The following RNF182 variants were observed in gnomAD, a reference collection of about 807,000 sequenced individuals.
RNF182 encodes the protein ring finger protein 182, also known as E3 ubiquitin-protein ligase RNF182.
A neutral mutation model predicts 14.4 loss-of-function variants in RNF182; 15 were observed. The ratio of observed to expected loss-of-function variants is 1.04; its 90% CI spans 0.70 to 1.60. The LOEUF (loss-of-function observed/expected upper bound fraction) is 1.60, where lower values mean the gene tolerates loss of function less well. Ranked by LOEUF, RNF182 falls within the 40% of genes most tolerant of loss-of-function variation. The probability of loss-of-function intolerance (pLI) is 0.00; values close to 1 mark genes in which losing one functional copy is unlikely to be tolerated. For synonymous variants in RNF182, 128 were observed against 122.9 expected (o/e 1.04, Z -0.27); for missense variants, 268 against 294.8 (o/e 0.91, Z 0.67).
intron 1 of RNF182, among the ~76,000 whole-genome samples, chr6:13,950,302 A>G (rs937393419): frequency 2.6e-5 from 4 of 152,138 alleles, no homozygotes; most frequent in East Asian, 1.9e-4. Flanking sequence ...GGCTAATTCC[A>G]TACATCTCAA....
At chr6:13,931,551 C>G (rs536342875) in intron 1 of RNF182, among the ~76,000 whole-genome samples, 1 of 152,070 alleles carries the variant, frequency 6.6e-6, no homozygotes, top group South Asian at 2.1e-4. Context: ...TTGATAACTC[C>G]TGGGGGGGAA....
chr6:13,941,732 C>A (rs974120793), intron 1 of RNF182, among the ~76,000 whole-genome samples: 11 of 151,998 alleles, frequency 7.2e-5, no homozygotes, highest in Admixed American at 3.3e-4. Context: ...ATTATAACAT[C>A]TATTTTTCAC....
At chr6:13,970,965 C>T (rs186430119) in intron 1 of RNF182, among the ~76,000 whole-genome samples, 1 of 152,038 alleles carries the variant, frequency 6.6e-6, no homozygotes, top group African/African-American at 2.4e-5. Context: ...TGAAAGATAA[C>T]ACTAGTACAG....
chr6:13,937,981 A>G (rs1759178983), intron 1 of RNF182, among the ~76,000 whole-genome samples: 1 of 151,122 alleles, frequency 6.6e-6, no homozygotes, highest in African/African-American at 2.4e-5. Context: ...TTGTCCATTA[A>G]AAAAGATTAT....
intron 1 of RNF182, among the ~76,000 whole-genome samples, chr6:13,972,369 A>T (rs1420224020): frequency 6.6e-6 from 1 of 152,156 alleles, no homozygotes; most frequent in Admixed American, 6.5e-5. Context: ...ATGCAATAGA[A>T]AAGAAAAACC....
At chr6:13,942,374 C>T (rs374665734) in intron 1 of RNF182, among the ~76,000 whole-genome samples, 1 of 152,072 alleles carries the variant, frequency 6.6e-6, no homozygotes, top group South Asian at 2.1e-4. Flanking sequence ...CAAAATCTTG[C>T]TCTGTGGCCC....
At chr6:13,956,998 A>G (rs750835133) in intron 1 of RNF182, among the ~76,000 whole-genome samples, 3 of 152,044 alleles carry the variant, frequency 2.0e-5, no homozygotes, top group African/African-American at 4.8e-5. Context: ...CCACTGTGTG[A>G]CCGAATGGAA....
intron 1 of RNF182, among the ~76,000 whole-genome samples, chr6:13,973,159 T>C (rs958049445): frequency 5.9e-5 from 9 of 152,350 alleles, no homozygotes; most frequent in African/African-American, 2.2e-4. Context: ...GCATGGGGCC[T>C]GTAGCCCCTT....
intron 1 of RNF182, among the ~76,000 whole-genome samples, chr6:13,971,352 CT>C (rs1760173857): frequency 6.6e-6 from 1 of 152,134 alleles, no homozygotes; most frequent in Admixed American, 6.6e-5. Context: ...GCCTTTGCTC[CT>C]TTTTCGCCTT....
At chr6:13,945,898 G>C (rs774150999) in intron 1 of RNF182, among the ~76,000 whole-genome samples, 1 of 152,088 alleles carries the variant, frequency 6.6e-6, no homozygotes, top group Non-Finnish European at 1.5e-5. Context: ...AGTCCACAGA[G>C]TAAAGTGAAA....
rs1262769451 is a variant in RNF182, at chr6:13,977,373, A to G, written c.254A>G (p.Asn85Ser). 1.2e-6 allele frequency: 2 copies of G among 1,614,086 alleles called. No individual in the cohort carries two copies. The highest frequency in any genetic ancestry group is 8.5e-7 in the Non-Finnish European group (1 of 1,180,030). Residue 85 changes from asparagine to serine, a missense_variant, in exon 3 of 3, where the codon AAC becomes AGC. Coordinates refer to ENST00000488300, the MANE Select transcript of RNF182 (RefSeq NM_152737.4). ...DDEVSSLPDD[N>S]NILVNLTCGG... ...GAAGTTAGTAGCCTGCCCGATGACA[A>G]CAACATCCTTGTAAACTTGACTTGT...
chr6:13,948,887 CAAAA>C (rs917387000), intron 1 of RNF182, among the ~76,000 whole-genome samples: 1 of 151,356 alleles, frequency 6.6e-6, no homozygotes, highest in Admixed American at 6.6e-5. Context: ...AAAAGACAAA[CAAAA>C]ATCTTTTATC....
intron 1 of RNF182, among the ~76,000 whole-genome samples, chr6:13,939,075 C>A (rs1248920136): frequency 6.6e-6 from 1 of 152,140 alleles, no homozygotes; most frequent in African/African-American, 2.4e-5. Flanking sequence ...AAGAGCAAGA[C>A]CCTGTCTCAA....
intron 1 of RNF182, among the ~76,000 whole-genome samples, chr6:13,936,291 CT>C (rs1275878682): frequency 6.6e-6 from 1 of 152,212 alleles, no homozygotes; most frequent in East Asian, 1.9e-4. Flanking sequence ...AATGTTTTCC[CT>C]TTCCCTATCT....
chr6:13,930,734 A>G (rs566979297), intron 1 of RNF182, among the ~76,000 whole-genome samples: 14 of 152,206 alleles, frequency 9.2e-5, no homozygotes, highest in East Asian at 3.8e-4. Context: ...AATAACTACC[A>G]TTTATTAAGC....
intron 1 of RNF182, among the ~76,000 whole-genome samples, chr6:13,930,554 T>C (rs1241356081): frequency 6.6e-6 from 1 of 152,224 alleles, no homozygotes; most frequent in Admixed American, 6.5e-5. Context: ...TGCATGTCCC[T>C]CCTCTGAAAT....
intron 1 of RNF182, among the ~76,000 whole-genome samples, chr6:13,954,852 T>G (rs1759687752): frequency 6.6e-6 from 1 of 152,152 alleles, no homozygotes. Context: ...AACCTGAGGT[T>G]TGATCATATT....
chr6:13,958,854 A>T (rs1334435136), intron 1 of RNF182, among the ~76,000 whole-genome samples: 1 of 152,140 alleles, frequency 6.6e-6, no homozygotes, highest in African/African-American at 2.4e-5. Flanking sequence ...TTACTTCTAG[A>T]CCTCATGTTG....
chr6:13,971,551 G>C (rs1209319152), intron 1 of RNF182, among the ~76,000 whole-genome samples: 1 of 152,192 alleles, frequency 6.6e-6, no homozygotes, highest in African/African-American at 2.4e-5. Flanking sequence ...CTTTGGAACT[G>C]GGTAACAGAC....
Sources: allele counts gnomAD v4.1 joint callset (sites outside exome capture counted in the v4.1 genomes callset), GRCh38; gene constraint gnomAD v4.1.1; transcripts MANE v1.5; gene names NCBI Gene and HGNC (gene_info 2026-07-23, HGNC 2026-07-21).